SLC28A2: variants seen among roughly 807,000 people sequenced by gnomAD.
SLC28A2 encodes the protein solute carrier family 28 member 2, also known as sodium/nucleoside cotransporter 2.
In SLC28A2, 69 loss-of-function variants were observed where a neutral mutation model predicts 72.9. The ratio of observed to expected loss-of-function variants is 0.95; its 90% CI spans 0.78 to 1.16. The LOEUF is 1.16. Ranked by LOEUF, SLC28A2 falls within the 50% of genes most tolerant of loss-of-function variation. The probability of loss-of-function intolerance (pLI) is 0.00; values close to 1 mark genes in which losing one functional copy is unlikely to be tolerated. For synonymous variants in SLC28A2, 296 were observed against 294.1 expected, an observed-to-expected ratio of 1.01 and a Z score of -0.07; for missense variants, 745 against 791.1, an observed-to-expected ratio of 0.94 and a Z score of 0.70.
chr15:45,263,875 C>T lies in SLC28A2; in HGVS notation c.447-6C>T. 1 of 1,603,708 alleles carries T rather than the reference C, an allele frequency of 6.2e-7. No individual in the cohort carries two copies. The highest frequency in any genetic ancestry group is 1.1e-5 in the South Asian group (1 of 88,920). ...TGATGACATGGTCTTGGCATTCCTTCTTCAGGGTGTTTGCAGGAGTCTCCT... is the reference window on the plus strand; with the variant it reads ...TGATGACATGGTCTTGGCATTCCTTTTTCAGGGTGTTTGCAGGAGTCTCCT... On this transcript the variant is annotated splice_polypyrimidine_tract_variant and splice_region_variant and intron_variant, in intron 5 of 17. Transcript: ENST00000347644.
At chr15:45,260,202 A>G (rs959586512) in intron 3 of SLC28A2, among the ~76,000 whole-genome samples, 3 of 152,202 alleles carry the variant, frequency 2.0e-5, no homozygotes, top group Admixed American at 6.5e-5. Flanking sequence ...GAGTCAGATA[A>G]AAAGACCTCC....
In SLC28A2 at chr15:45,269,300, A is replaced by C. The variant is rs1451582479; in HGVS notation, c.1369-38A>C. On this transcript the variant is annotated intron_variant, in intron 13 of 17. Coordinates refer to ENST00000347644, the MANE Select transcript of SLC28A2 (RefSeq NM_004212.4). Reference sequence around the variant, plus strand: ...CTTGGCACCTGACCTTTGTTATATTAGTCCTTCCTTTTCCTGTGATATCTC... The same window carrying C: ...CTTGGCACCTGACCTTTGTTATATTCGTCCTTCCTTTTCCTGTGATATCTC... 4 of 1,555,570 alleles carry C rather than the reference A, an allele frequency of 2.6e-6. No individual in the cohort carries two copies. In the Admixed American group the frequency reaches 6.7e-5, roughly 26 times the overall value.
chr15:45,272,495 G>T, intron 16 of SLC28A2, 102 bp downstream of exon 16: 2 of 945,202 alleles, frequency 2.1e-6, no homozygotes, highest in Non-Finnish European at 3.3e-6. Flanking sequence ...GGGCAACAAA[G>T]ATTACTTCCC....
chr15:45,253,645 C>A, intron 3 of SLC28A2, 125 bp downstream of exon 3: 1 of 575,752 alleles, frequency 1.7e-6, no homozygotes, highest in South Asian at 2.4e-5. Context: ...ATGTATCTTA[C>A]ATAATTAATT....
At chr15:45,264,918 A>G in intron 7 of SLC28A2, 150 bp downstream of exon 7, 1 of 729,566 alleles carries the variant, frequency 1.4e-6, no homozygotes, top group Non-Finnish European at 2.4e-6. Flanking sequence ...GATACAGCTA[A>G]GAATATGAAT....
chr15:45,256,063 T>C lies in SLC28A2; in HGVS notation c.170+2543T>C, dbSNP rs1443307884. 2.6e-5 allele frequency: 4 copies of C among 152,324 alleles called. No homozygotes were observed. In the East Asian group the frequency reaches 7.7e-4, roughly 29 times the overall value. The allele number at this position is 152,324 out of a possible 1,614,324, so 9.4% of individuals were successfully genotyped here. On this transcript the variant is annotated intron_variant, in intron 3 of 17. Transcript: ENST00000347644. ...TCTTGGTAATTTTTTTTTGCCAGAC[T>C]GTTGTTGGCACCTTAAACTGCTCTG...
In SLC28A2 at chr15:45,253,428, G is replaced by T. The variant is rs374553967; in HGVS notation, c.82-4G>T. ...ACTGATCCCAATGCTCTCTGTGCTT[G>T]TAGGAAAAAGAAGTAGAGCCTGAGG... On this transcript the variant is annotated splice_polypyrimidine_tract_variant and splice_region_variant and intron_variant, in intron 2 of 17. Transcript: ENST00000347644. 1.8e-3 allele frequency: 2,908 copies of T among 1,612,384 alleles called. 78 individuals are homozygous for T. The South Asian group carries it at 0.03, about 17-fold the overall frequency.
intron 8 of SLC28A2, 90 bp downstream of exon 8, chr15:45,265,256 G>A (rs997523450): frequency 1.2e-5 from 11 of 927,664 alleles, no homozygotes; most frequent in South Asian, 3.9e-5. Context: ...AGAGATCAGC[G>A]CCCCTGTATA....
chr15:45,264,351 G>A (rs897588267), intron 6 of SLC28A2, among the ~76,000 whole-genome samples: 20 of 152,218 alleles, frequency 1.3e-4, no homozygotes, highest in African/African-American at 4.6e-4. Flanking sequence ...TCAACACGCA[G>A]TGCAGATAGT....
intron 10 of SLC28A2, among the ~76,000 whole-genome samples, chr15:45,266,942 C>T (rs2140573655): frequency 6.6e-6 from 1 of 152,264 alleles, no homozygotes; most frequent in Non-Finnish European, 1.5e-5. Context: ...TATCTTAGGT[C>T]AGTGCTGGAT....
In SLC28A2 at chr15:45,269,325, C is replaced by T; in HGVS notation, c.1369-13C>T. The T allele has an allele frequency of 6.2e-7, 1 of 1,610,874 alleles. No individual in the cohort carries two copies. Among genetic ancestry groups the T allele is most frequent in the Non-Finnish European group, 8.5e-7 (1 of 1,177,268 alleles). Reference sequence around the variant, plus strand: ...AGTCCTTCCTTTTCCTGTGATATCTCTCTTTCACTCAGGTCATCTGCTCCT... The same window carrying T: ...AGTCCTTCCTTTTCCTGTGATATCTTTCTTTCACTCAGGTCATCTGCTCCT... On this transcript the variant is annotated splice_polypyrimidine_tract_variant and intron_variant, in intron 13 of 17. Transcript: ENST00000347644.
chr15:45,270,973 T>C (rs1900539090), intron 15 of SLC28A2, among the ~76,000 whole-genome samples: 1 of 152,136 alleles, frequency 6.6e-6, no homozygotes, highest in Admixed American at 6.5e-5. Flanking sequence ...CTTTTTGAAA[T>C]TAGGCTGCTC....
At position 45,276,030 on chromosome 15, in the gene SLC28A2, A is replaced by T. The variant is rs1201822948; in HGVS notation, c.*517A>T. 1.3e-5 allele frequency: 2 copies of T among 152,610 alleles called. No homozygotes were observed. The highest frequency in any genetic ancestry group is 2.9e-5 in the Non-Finnish European group (2 of 68,338). The allele number at this position is 152,610 out of a possible 1,614,324, so 9.5% of individuals were successfully genotyped here. On this transcript the variant is annotated 3_prime_UTR_variant, in exon 18 of 18. Coordinates refer to ENST00000347644, the MANE Select transcript of SLC28A2 (RefSeq NM_004212.4). ...TTCCATTATTTGGCTGAACCAAAAA[A>T]TGGCATTCCTCATGGGCCCTGCCTG...
intron 9 of SLC28A2, 73 bp downstream of exon 9, chr15:45,265,736 A>G: frequency 1.0e-6 from 1 of 1,001,266 alleles, no homozygotes; most frequent in Middle Eastern, 2.0e-4. Flanking sequence ...AAAAATGCCC[A>G]TAGCTAAGGT....
chr15:45,269,478 G>T lies in SLC28A2; in HGVS notation c.1509G>T (p.Lys503Asn). The change falls in exon 14 of 18, where the codon AAG (lysine) becomes AAT (asparagine). Residue 503 changes from lysine to asparagine, a missense_variant. Physicochemically the swap from Lys to Asn is moderately conservative, Grantham distance 94. Coordinates refer to ENST00000347644, the MANE Select transcript of SLC28A2 (RefSeq NM_004212.4). ...FVAYQQLSQY[K>N]NKRLSGMEEW... ...CTTATCAGCAACTGTCTCAATACAA[G>T]AACAAACGTCTCTCTGGAATGGAGG... 5.6e-6 allele frequency: 9 copies of T among 1,613,962 alleles called. No homozygotes were observed. The highest frequency in any genetic ancestry group is 7.6e-6 in the Non-Finnish European group (9 of 1,179,938).
At chr15:45,261,649 A>G (rs1194770445) in intron 3 of SLC28A2, among the ~76,000 whole-genome samples, 1 of 152,144 alleles carries the variant, frequency 6.6e-6, no homozygotes. Context: ...GGGATGGCCA[A>G]ATTGCCTCTA....
chr15:45,252,307 G>C, intron 1 of SLC28A2, 29 bp downstream of exon 1: 1 of 455,878 alleles, frequency 2.2e-6, no homozygotes, highest in South Asian at 1.5e-5. Flanking sequence ...GGGAGGGCAG[G>C]TGCCTAATTT....
intron 3 of SLC28A2, among the ~76,000 whole-genome samples, chr15:45,259,969 A>G (rs1006942506): frequency 1.3e-5 from 2 of 152,224 alleles, no homozygotes; most frequent in Non-Finnish European, 1.5e-5. Context: ...ATTTTAAACT[A>G]GCTTTATCTA....
chr15:45,262,751 G>T (rs2140567037), intron 4 of SLC28A2, among the ~76,000 whole-genome samples: 1 of 152,300 alleles, frequency 6.6e-6, no homozygotes, highest in South Asian at 2.1e-4. Flanking sequence ...GGTGAACACT[G>T]ATCAAATCTA....
Sources: gnomAD v4.1 joint callset for allele counts (sites outside exome capture counted in the v4.1 genomes callset) on GRCh38, gnomAD v4.1.1 for gene constraint, MANE v1.5 for transcripts, NCBI Gene and HGNC (gene_info 2026-07-23, HGNC 2026-07-21) for gene names.